Variants in IQGAP2 observed in about 807,000 individuals in gnomAD.
The protein encoded by IQGAP2 is IQ motif containing GTPase activating protein 2, also known as ras GTPase-activating-like protein IQGAP2.
Under a neutral mutation model 201.3 loss-of-function variants are expected in IQGAP2, and 173 were observed. The observed-to-expected ratio is 0.86, with a 90% CI of 0.76 to 0.98. The LOEUF is 0.98. Ranked by LOEUF, IQGAP2 falls within the 50% of genes least tolerant of loss-of-function variation. The probability of loss-of-function intolerance (pLI) is 0.00; values close to 1 mark genes in which losing one functional copy is unlikely to be tolerated. For synonymous variants in IQGAP2, 675 were observed against 673.9 expected, an observed-to-expected ratio of 1.00 and a Z score of -0.03; for missense variants, 1,687 against 1,864.8, an observed-to-expected ratio of 0.90 and a Z score of 1.76.
At chr5:76,627,334 T>C (rs1012625284) in intron 13 of IQGAP2, 76 bp from the exon 14 acceptor site, 3 of 940,596 alleles carry the variant, frequency 3.2e-6, no homozygotes, top group African/African-American at 3.2e-5. Context: ...ATTAAATGGC[T>C]CCTCAAAAGC....
intron 5 of IQGAP2, among the ~76,000 whole-genome samples, chr5:76,576,017 A>G (rs1745447850): frequency 6.6e-6 from 1 of 152,216 alleles, no homozygotes; most frequent in Non-Finnish European, 1.5e-5. Context: ...ATTGAAAACC[A>G]TTAAGTACAA....
At chr5:76,623,103 A>C in intron 13 of IQGAP2, 1 of 1,478,330 alleles carries the variant, frequency 6.8e-7, no homozygotes, top group Non-Finnish European at 9.5e-7. Flanking sequence ...ACCTAGGTTC[A>C]GTTGACTCTT....
At chr5:76,430,737 A>G (rs1450827959) in intron 1 of IQGAP2, among the ~76,000 whole-genome samples, 43 of 152,218 alleles carry the variant, frequency 2.8e-4, no homozygotes. Flanking sequence ...GTGCTAATTC[A>G]ATGAAAGATT....
chr5:76,471,364 CAAAAAAAA>C (rs59781605), intron 2 of IQGAP2, among the ~76,000 whole-genome samples: 3 of 72,534 alleles, frequency 4.1e-5, no homozygotes, highest in Non-Finnish European at 8.4e-5. Context: ...ATAAACTAAG[CAAAAAAAA>C]AAAAAAAAAA....
At chr5:76,460,799 AG>A (rs1754401759) in intron 1 of IQGAP2, among the ~76,000 whole-genome samples, 1 of 150,248 alleles carries the variant, frequency 6.7e-6, no homozygotes, top group African/African-American at 2.4e-5. Context: ...TGGGAGTGGT[AG>A]GAAGGGGGAT....
Position 76,673,550 on chromosome 5 carries a change from A to C in IQGAP2, c.3170A>C (p.Lys1057Thr), listed in dbSNP as rs983106487. 1.2e-6 allele frequency: 2 copies of C among 1,613,992 alleles called. No homozygotes were observed. Among genetic ancestry groups the C allele is most frequent in the Non-Finnish European group, 1.7e-6 (2 of 1,179,966 alleles). Residue 1057 changes from lysine to threonine, a missense_variant, in exon 25 of 36, where the codon AAA becomes ACA. Coordinates refer to ENST00000274364, the MANE Select transcript of IQGAP2 (RefSeq NM_006633.5). ...GAGAACCTGAGAAGGGTCACCGACA[A>C]AGTCCTGAATTCTATCATTTCTTCC... Reference protein sequence around the residue: ...SIENLRRVTDKVLNSIISSLD... With the variant: ...SIENLRRVTDTVLNSIISSLD...
chr5:76,658,572 G>C lies in IQGAP2; in HGVS notation c.2434G>C (p.Val812Leu). ...LEVARLREEV[V>L]TKIRANQQLE... ...GGTTGCACGATTAAGGGAAGAAGTA[G>C]TGACCAAGATCAGGGCCAATCAACA... The change falls in exon 21 of 36, where the codon GTG becomes CTG. Residue 812 changes from valine (V) to leucine (L), a missense_variant. Val to Leu is a conservative substitution (Grantham distance 32). Transcript: ENST00000274364. 1 of 1,614,134 alleles carries C rather than the reference G, an allele frequency of 6.2e-7. No homozygotes were observed. The highest frequency in any genetic ancestry group is 8.5e-7 in the Non-Finnish European group (1 of 1,180,006).
chr5:76,642,801 C>T (rs572884740), intron 17 of IQGAP2, among the ~76,000 whole-genome samples: 7 of 152,318 alleles, frequency 4.6e-5, no homozygotes, highest in African/African-American at 1.7e-4. Flanking sequence ...CAGCTATACT[C>T]CGGCTACACC....
intron 2 of IQGAP2, among the ~76,000 whole-genome samples, chr5:76,533,011 T>C (rs1759404205): frequency 2.0e-5 from 3 of 152,196 alleles, no homozygotes; most frequent in Non-Finnish European, 4.4e-5. Context: ...AAGCTGATAT[T>C]CCTACTCTTT....
At chr5:76,566,283 A>AT (rs1348083364) in intron 3 of IQGAP2, among the ~76,000 whole-genome samples, 1 of 152,190 alleles carries the variant, frequency 6.6e-6, no homozygotes, top group African/African-American at 2.4e-5. Flanking sequence ...TTATGGGTAG[A>AT]TAGCAACGGC....
intron 2 of IQGAP2, among the ~76,000 whole-genome samples, chr5:76,503,593 A>C (rs1020547323): frequency 6.7e-6 from 1 of 149,614 alleles, no homozygotes; most frequent in Non-Finnish European, 1.5e-5. Flanking sequence ...TTTTTTAAAA[A>C]TTTTATTTAT....
chr5:76,552,794 AAC>A (rs1234378520), intron 2 of IQGAP2, among the ~76,000 whole-genome samples: 2 of 152,186 alleles, frequency 1.3e-5, no homozygotes, highest in Non-Finnish European at 2.9e-5. Flanking sequence ...TGCCAAACTC[AAC>A]AGATTATACT....
rs202016097 is a variant in IQGAP2, at chr5:76,588,934, C to A, written c.487C>A (p.Pro163Thr). 51 of 1,608,700 alleles carry A rather than the reference C, an allele frequency of 3.2e-5. No individual in the cohort carries two copies. The highest frequency in any genetic ancestry group is 3.7e-5 in the Non-Finnish European group (43 of 1,175,822). ...SLYLFKLGIA[P>T]QIQDLLGKVD... The stretch of plus-strand genomic sequence containing the variant: ...GTATCTGTTCAAACTAGGAATAGCA[C>A]CCCAGATCCAGGATTTGTTGGGCAA... Residue 163 changes from proline to threonine, a missense_variant, in exon 6 of 36, where the codon CCC (proline) becomes ACC (threonine). Coordinates refer to ENST00000274364, the MANE Select transcript of IQGAP2 (RefSeq NM_006633.5).
rs1024496468 is a variant in IQGAP2, at chr5:76,623,322, T to C, written c.1522-4088T>C. 4.9e-5 allele frequency: 72 copies of C among 1,459,882 alleles called. No individual in the cohort carries two copies. The East Asian group carries it at 1.6e-3, about 33-fold the overall frequency. The allele number at this position is 1,459,882 out of a possible 1,614,324, so 90.4% of individuals were successfully genotyped here. A position where few individuals can be genotyped will look rare whatever the true frequency, so the allele number is the denominator to read the frequency against. ...CTCAGTTCCATGTGTCAGCAGCAAA[T>C]GGAAGCCTTGGTCTGTCTGTAGAAG... On this transcript the variant is annotated intron_variant, in intron 13 of 35. Transcript: ENST00000274364.
At chr5:76,702,435 C>T in intron 34 of IQGAP2, 47 bp from the exon 35 acceptor site, 2 of 871,176 alleles carry the variant, frequency 2.3e-6, no homozygotes, top group Non-Finnish European at 3.9e-6. Context: ...GCTTTAAGCA[C>T]ATCTGTATTT....
intron 13 of IQGAP2, chr5:76,617,591 A>G (rs1393632710): frequency 1.2e-6 from 2 of 1,606,604 alleles, no homozygotes; most frequent in Non-Finnish European, 1.7e-6. Flanking sequence ...ACTATTTTGT[A>G]AGGTAAGCAG....
chr5:76,452,909 T>TG (rs1435316453), intron 1 of IQGAP2, among the ~76,000 whole-genome samples: 1 of 143,234 alleles, frequency 7.0e-6, no homozygotes, highest in Non-Finnish European at 1.5e-5. Context: ...TCCTATCTTT[T>TG]TTTTTTTTTT....
intron 1 of IQGAP2, among the ~76,000 whole-genome samples, chr5:76,453,390 A>G (rs1753886935): frequency 6.6e-6 from 1 of 152,196 alleles, no homozygotes; most frequent in African/African-American, 2.4e-5. Context: ...TATACAGAAA[A>G]AAAACCCACT....
intron 33 of IQGAP2, among the ~76,000 whole-genome samples, chr5:76,698,536 G>A (rs970513229): frequency 1.3e-5 from 2 of 152,098 alleles, no homozygotes; most frequent in African/African-American, 4.8e-5. Context: ...CCAGGTGTTT[G>A]CTAATTGCAC....
Sources: gnomAD v4.1 joint callset for allele counts (sites outside exome capture counted in the v4.1 genomes callset) on GRCh38, gnomAD v4.1.1 for gene constraint, MANE v1.5 for transcripts, NCBI Gene and HGNC (gene_info 2026-07-23, HGNC 2026-07-21) for gene names.